STARD13: variants seen among roughly 807,000 people sequenced by gnomAD.
The protein encoded by STARD13 is StAR related lipid transfer domain containing 13.
A neutral mutation model predicts 106.4 loss-of-function variants in STARD13; 62 were observed. The ratio of observed to expected loss-of-function variants is 0.58; its 90% confidence interval spans 0.48 to 0.72. The LOEUF is 0.72. Ranked by LOEUF, STARD13 falls within the 30% of genes least tolerant of loss-of-function variation. The pLI, the probability that STARD13 is intolerant of heterozygous loss-of-function variation, is 0.00. For missense variants in STARD13, 1,387 were observed against 1,424.0 expected, an observed-to-expected ratio of 0.97 and a Z score of 0.42; for synonymous variants, 565 against 553.0, an observed-to-expected ratio of 1.02 and a Z score of -0.31.
At chr13:33,595,085 T>C in the STARD13 span, among the ~76,000 whole-genome samples, 1 of 152,236 alleles carries the variant, frequency 6.6e-6, no homozygotes, top group Admixed American at 6.5e-5. Context: ...TTCCAAACTG[T>C]TTTAGGACTA....
the STARD13 span, among the ~76,000 whole-genome samples, chr13:33,566,013 A>G: frequency 6.7e-6 from 1 of 148,482 alleles, no homozygotes; most frequent in Non-Finnish European, 1.5e-5. Flanking sequence ...GTGGTCAGTC[A>G]TTGTTCAAAA....
the STARD13 span, among the ~76,000 whole-genome samples, chr13:33,652,657 A>G: frequency 1.3e-5 from 2 of 152,212 alleles, no homozygotes; most frequent in African/African-American, 4.8e-5. Flanking sequence ...CATGAAATTA[A>G]TGAGTCAGTT....
rs1481895410 is a variant in STARD13, at chr13:33,118,184, A to G, written c.2162T>C (p.Val721Ala). The change falls in exon 8 of 14, where the codon GTC (valine) becomes GCC (alanine). Residue 721 changes from valine (V) to alanine (A), a missense_variant. Transcript: ENST00000336934. The part of the protein sequence containing the change: ...RQMNENFPEN[V>A]NYEDQSAYDV... The stretch of plus-strand genomic sequence containing the variant: ...ATAAGCAGACTGGTCTTCATAGTTG[A>G]CGTTCTCAGGGAAGTTTTCATTCAT... 3 of 1,614,080 alleles carry G rather than the reference A, an allele frequency of 1.9e-6. No individual in the cohort carries two copies. Among genetic ancestry groups the G allele is most frequent in the Non-Finnish European group, 2.5e-6 (3 of 1,180,046 alleles).
At chr13:33,191,567 C>T (rs1472475528) in intron 1 of STARD13, among the ~76,000 whole-genome samples, 3 of 152,218 alleles carry the variant, frequency 2.0e-5, no homozygotes, top group African/African-American at 7.2e-5. Context: ...AAGCCACACC[C>T]AGGCTAACTG....
intron 1 of STARD13, among the ~76,000 whole-genome samples, chr13:33,196,570 G>C (rs181125575): frequency 6.6e-6 from 1 of 152,144 alleles, no homozygotes; most frequent in Non-Finnish European, 1.5e-5. Flanking sequence ...TTACCTCCAC[G>C]CTTGCTTTCA....
At chr13:33,216,903 A>T (rs1402440954) in intron 1 of STARD13, among the ~76,000 whole-genome samples, 1 of 152,184 alleles carries the variant, frequency 6.6e-6, no homozygotes, top group African/African-American at 2.4e-5. Flanking sequence ...CATGAGGGAC[A>T]TTCGAATCCC....
chr13:33,288,113 C>A (rs918155306), upstream of STARD13, among the ~76,000 whole-genome samples: 1 of 151,760 alleles, frequency 6.6e-6, no homozygotes, highest in Non-Finnish European at 1.5e-5. Context: ...ACAATAACAA[C>A]GACAATAAAA....
chr13:33,337,872 T>G (rs115930243), intron 1 of STARD13, among the ~76,000 whole-genome samples: 145 of 152,300 alleles, frequency 9.5e-4, no homozygotes, highest in African/African-American at 3.1e-3. Flanking sequence ...TCAATAATTA[T>G]TAGGAATTTC....
chr13:33,424,026 T>C, the STARD13 span, among the ~76,000 whole-genome samples: 1 of 152,028 alleles, frequency 6.6e-6, no homozygotes, highest in South Asian at 2.1e-4. Context: ...CAAACAAACA[T>C]GGCACATGTA....
chr13:33,328,861 A>G (rs1476306163), intron 1 of STARD13, among the ~76,000 whole-genome samples: 1 of 152,184 alleles, frequency 6.6e-6, no homozygotes, highest in Non-Finnish European at 1.5e-5. Context: ...ATTTAATTCA[A>G]TGGTTTTCAT....
At chr13:33,631,027 G>A in the STARD13 span, among the ~76,000 whole-genome samples, 1 of 152,264 alleles carries the variant, frequency 6.6e-6, no homozygotes, top group East Asian at 1.9e-4. Flanking sequence ...CTCAGTCTTT[G>A]TAAATTAGAT....
chr13:33,154,382 G>C (rs775749871), intron 3 of STARD13, among the ~76,000 whole-genome samples: 14 of 152,204 alleles, frequency 9.2e-5, no homozygotes, highest in Non-Finnish European at 1.8e-4. Context: ...ATTAGTTGAG[G>C]TGTGGAAGAA....
chr13:33,114,854 G>A (rs1045582761), intron 8 of STARD13, among the ~76,000 whole-genome samples: 9 of 151,748 alleles, frequency 5.9e-5, no homozygotes, highest in Admixed American at 2.0e-4. Context: ...TACTAAAAAC[G>A]CTTCAAATAC....
At chr13:33,384,027 A>G in the STARD13 span, among the ~76,000 whole-genome samples, 7 of 152,162 alleles carry the variant, frequency 4.6e-5, no homozygotes, top group African/African-American at 1.7e-4. Flanking sequence ...TAGAATTCAA[A>G]CTTTGATTGC....
At chr13:33,318,568 A>G (rs1893431106) in intron 1 of STARD13, among the ~76,000 whole-genome samples, 2 of 152,180 alleles carry the variant, frequency 1.3e-5, no homozygotes, top group South Asian at 4.1e-4. Context: ...AAATAGATTA[A>G]TTGGAATTCA....
chr13:33,121,865 G>A (rs1488089024), intron 7 of STARD13, among the ~76,000 whole-genome samples: 4 of 146,008 alleles, frequency 2.7e-5, no homozygotes, highest in African/African-American at 1.0e-4. Context: ...TTTTTTTTGA[G>A]ATAAAGTCTC....
At chr13:33,460,674 G>C in the STARD13 span, among the ~76,000 whole-genome samples, 1 of 151,272 alleles carries the variant, frequency 6.6e-6, no homozygotes, top group African/African-American at 2.4e-5. Flanking sequence ...AAAAATAAAA[G>C]TCATTAATAT....
chr13:33,332,086 C>A (rs1220718507), intron 1 of STARD13, among the ~76,000 whole-genome samples: 4 of 152,170 alleles, frequency 2.6e-5, no homozygotes, highest in Non-Finnish European at 4.4e-5. Flanking sequence ...TATCCAGACT[C>A]TCTCCCAGGC....
At chr13:33,540,188 C>T in the STARD13 span, among the ~76,000 whole-genome samples, 2 of 152,144 alleles carry the variant, frequency 1.3e-5, no homozygotes, top group Non-Finnish European at 2.9e-5. Context: ...ATATATTATG[C>T]ACGAATTTCT....
Sources: allele counts gnomAD v4.1 joint callset (sites outside exome capture counted in the v4.1 genomes callset), GRCh38; gene constraint gnomAD v4.1.1; transcripts MANE v1.5; gene names NCBI Gene and HGNC (gene_info 2026-07-23, HGNC 2026-07-21).